Variants in ANO10 observed in about 807,000 individuals in gnomAD.
ANO10 encodes anoctamin 10.
In ANO10, 77 loss-of-function variants were observed where a neutral mutation model predicts 74.7. The observed-to-expected ratio is 1.03, with a 90% CI of 0.86 to 1.25. The LOEUF is 1.25. Among genes scored for constraint, ANO10 ranks in the 50% most tolerant of loss-of-function variants. ANO10 has a pLI of 0.00. For synonymous variants in ANO10, 279 were observed against 284.9 expected (o/e 0.98, Z 0.21); for missense variants, 721 against 778.1 (o/e 0.93, Z 0.87).
chr3:43,460,042 A>G (rs11717881), intron 11 of ANO10, among the ~76,000 whole-genome samples: 1,660 of 152,350 alleles, frequency 0.011, 16 homozygotes, highest in Non-Finnish European at 0.018. Context: ...TGGAGAGATC[A>G]TCAAAAGAAC....
At chr3:43,377,689 A>AAGAGG (rs1353594143) in intron 12 of ANO10, among the ~76,000 whole-genome samples, 1 of 152,186 alleles carries the variant, frequency 6.6e-6, no homozygotes, top group Admixed American at 6.5e-5. Flanking sequence ...TTCAGGCCAG[A>AAGAGG]AGAGGAGGCG....
intron 12 of ANO10, among the ~76,000 whole-genome samples, chr3:43,431,439 A>G (rs1442865395): frequency 1.3e-5 from 2 of 151,696 alleles, no homozygotes; most frequent in Non-Finnish European, 2.9e-5. Flanking sequence ...TTCCTCTTAT[A>G]CAACTGCTTT....
chr3:43,534,502 G>A (rs1234963078), intron 11 of ANO10, among the ~76,000 whole-genome samples: 2 of 150,854 alleles, frequency 1.3e-5, no homozygotes, highest in Non-Finnish European at 2.9e-5. Context: ...GAGAGAACGG[G>A]AGACAGAGAG....
intron 11 of ANO10, among the ~76,000 whole-genome samples, chr3:43,459,025 T>C (rs2075266133): frequency 1.3e-5 from 2 of 152,202 alleles, no homozygotes; most frequent in Admixed American, 6.5e-5. Flanking sequence ...TCTGAGCCCC[T>C]TGAGTTATGT....
At position 43,419,768 on chromosome 3, in the gene ANO10, G is replaced by A. The variant is rs532538184; in HGVS notation, c.1914+12843C>T. ...TGACCTCAAACAATCCACCCACCTC[G>A]GCCTCCCAAAGTGCTGGGATGACAG... On this transcript the variant is annotated intron_variant, in intron 12 of 12. Transcript: ENST00000292246. 9.2e-5 allele frequency among the ~76,000 whole-genome samples: 14 copies of A among 152,088 alleles called. No individual in the cohort carries two copies. The South Asian group carries it at 2.1e-3, about 23-fold the overall frequency.
intron 1 of ANO10, among the ~76,000 whole-genome samples, chr3:43,653,316 T>A (rs1284381271): frequency 6.6e-6 from 1 of 152,070 alleles, no homozygotes. Flanking sequence ...GAAACACATA[T>A]AAAAGTATTC....
At chr3:43,682,062 C>A (rs1184691421) in intron 1 of ANO10, among the ~76,000 whole-genome samples, 1 of 152,010 alleles carries the variant, frequency 6.6e-6, no homozygotes, top group African/African-American at 2.4e-5. Context: ...TAGCAGAAGG[C>A]AAGAAATAAC....
chr3:43,634,365 G>A (rs1468399642), intron 1 of ANO10, among the ~76,000 whole-genome samples: 1 of 152,202 alleles, frequency 6.6e-6, no homozygotes, highest in Non-Finnish European at 1.5e-5. Context: ...TATTAAGAGT[G>A]TAGGCAGTGA....
At chr3:43,659,297 C>A (rs2083892894) in intron 1 of ANO10, among the ~76,000 whole-genome samples, 1 of 152,150 alleles carries the variant, frequency 6.6e-6, no homozygotes, top group Non-Finnish European at 1.5e-5. Context: ...ATTTCCCTTT[C>A]CTAGCCAAGG....
chr3:43,547,534 T>C (rs2079252441), intron 11 of ANO10, among the ~76,000 whole-genome samples: 1 of 152,102 alleles, frequency 6.6e-6, no homozygotes, highest in African/African-American at 2.4e-5. Context: ...TTTGCCAGTT[T>C]AGACAATGAC....
intron 11 of ANO10, among the ~76,000 whole-genome samples, chr3:43,524,048 T>A (rs1437617786): frequency 6.6e-6 from 1 of 151,450 alleles, no homozygotes. Context: ...ACACCTGGAG[T>A]AGATGAGCAC....
chr3:43,481,525 C>A (rs1016325856), intron 11 of ANO10, among the ~76,000 whole-genome samples: 1 of 152,130 alleles, frequency 6.6e-6, no homozygotes, highest in Non-Finnish European at 1.5e-5. Context: ...GTTGAACATG[C>A]CTCATTATAC....
intron 12 of ANO10, among the ~76,000 whole-genome samples, chr3:43,384,252 C>A (rs2092053642): frequency 6.6e-6 from 1 of 151,582 alleles, no homozygotes; most frequent in African/African-American, 2.4e-5. Context: ...AGGAAAACTA[C>A]AAAACACTGC....
At chr3:43,385,174 A>G (rs556523291) in intron 12 of ANO10, among the ~76,000 whole-genome samples, 28 of 152,338 alleles carry the variant, frequency 1.8e-4, no homozygotes, top group African/African-American at 6.7e-4. Context: ...AAAATGCTCA[A>G]CATCATTAAT....
chr3:43,686,867 C>T (rs1250627240), intron 1 of ANO10, among the ~76,000 whole-genome samples: 1 of 152,110 alleles, frequency 6.6e-6, no homozygotes, highest in African/African-American at 2.4e-5. Context: ...AGTAGGAACA[C>T]AGGCATAACT....
intron 3 of ANO10, among the ~76,000 whole-genome samples, chr3:43,599,779 G>A (rs563361628): frequency 9.6e-4 from 146 of 152,046 alleles, no homozygotes; most frequent in African/African-American, 3.4e-3. Context: ...GGTGGCGGGC[G>A]CCTGTAGTCC....
At chr3:43,615,261 T>C (rs2083038796) in intron 1 of ANO10, among the ~76,000 whole-genome samples, 1 of 152,132 alleles carries the variant, frequency 6.6e-6, no homozygotes, top group Admixed American at 6.5e-5. Flanking sequence ...TTAAATAGAC[T>C]GTCCAATATC....
intron 11 of ANO10, among the ~76,000 whole-genome samples, chr3:43,519,891 G>T (rs933474601): frequency 6.6e-6 from 1 of 152,132 alleles, no homozygotes; most frequent in Non-Finnish European, 1.5e-5. Flanking sequence ...TTCAGTTCTT[G>T]TAACTGTAGG....
intron 11 of ANO10, among the ~76,000 whole-genome samples, chr3:43,504,276 GTAGA>G (rs1249162498): frequency 6.8e-5 from 10 of 146,710 alleles, no homozygotes; most frequent in Admixed American, 4.2e-4. Context: ...CAAAAAATAA[GTAGA>G]TAGGTAGGTA....
Sources: gnomAD v4.1 joint callset for allele counts (sites outside exome capture counted in the v4.1 genomes callset) on GRCh38, gnomAD v4.1.1 for gene constraint, MANE v1.5 for transcripts, NCBI Gene and HGNC (gene_info 2026-07-23, HGNC 2026-07-21) for gene names.